CDH18: variants seen among roughly 807,000 people sequenced by gnomAD.
CDH18 encodes the protein cadherin 18, also known as cadherin-18.
Under a neutral mutation model 67.9 loss-of-function variants are expected in CDH18, and 31 were observed. The ratio of observed to expected loss-of-function variants is 0.46; its 90% CI spans 0.34 to 0.62. The LOEUF (loss-of-function observed/expected upper bound fraction) is 0.62. Among genes scored for constraint, CDH18 ranks in the 20% least tolerant of loss-of-function variants. The pLI is 0.01. For synonymous variants in CDH18, 362 were observed against 347.2 expected (o/e 1.04, Z -0.48); for missense variants, 890 against 975.5 (o/e 0.91, Z 1.17).
At chr5:20,052,453 T>A (rs1741514883) in intron 2 of CDH18, among the ~76,000 whole-genome samples, 1 of 152,064 alleles carries the variant, frequency 6.6e-6, no homozygotes, top group Non-Finnish European at 1.5e-5. Flanking sequence ...TTGTTTAGTG[T>A]TCTAAATATA....
intron 1 of CDH18, among the ~76,000 whole-genome samples, chr5:20,334,947 G>A (rs571612324): frequency 6.6e-6 from 1 of 152,126 alleles, no homozygotes; most frequent in African/African-American, 2.4e-5. Context: ...TCTCAATGAT[G>A]CAACAGCCAC....
intron 1 of CDH18, among the ~76,000 whole-genome samples, chr5:20,448,852 G>A (rs1301312790): frequency 6.6e-6 from 1 of 152,036 alleles, no homozygotes; most frequent in African/African-American, 2.4e-5. Context: ...AAAAAGTACA[G>A]GTGCAACAAG....
intron 5 of CDH18, among the ~76,000 whole-genome samples, chr5:19,646,838 A>C (rs1754820203): frequency 6.6e-6 from 1 of 152,196 alleles, no homozygotes; most frequent in East Asian, 1.9e-4. Context: ...TTAAAAAATA[A>C]AATACAACAT....
intron 1 of CDH18, among the ~76,000 whole-genome samples, chr5:20,261,595 G>T (rs1246040820): frequency 2.0e-5 from 3 of 152,068 alleles, no homozygotes; most frequent in African/African-American, 4.8e-5. Flanking sequence ...AAAAAAATTA[G>T]CCAGGCGTGG....
chr5:20,475,515 T>C (rs1752376002), intron 1 of CDH18, among the ~76,000 whole-genome samples: 1 of 152,212 alleles, frequency 6.6e-6, no homozygotes, highest in African/African-American at 2.4e-5. Flanking sequence ...TTATTTGTGC[T>C]ATTATAAATT....
intron 3 of CDH18, among the ~76,000 whole-genome samples, chr5:19,791,333 A>C (rs1157677503): frequency 6.9e-6 from 1 of 144,524 alleles, no homozygotes; most frequent in Non-Finnish European, 1.5e-5. Context: ...AAACCTAATG[A>C]TATTCTTGCA....
At position 20,172,228 on chromosome 5, in the gene CDH18, A is replaced by G. The variant is rs1451244688; in HGVS notation, c.-518+83216T>C. ...TATATATATATATATATATATGTAT[A>G]TATATATATATGTATATATATATAT... On this transcript the variant is annotated intron_variant, in intron 2 of 14. Coordinates refer to the CDH18 transcript ENST00000507958. Among the ~76,000 whole-genome samples, 28 of 110,728 alleles carry G rather than the reference A, an allele frequency of 2.5e-4. 1 individual carries two copies. The highest frequency in any genetic ancestry group is 3.4e-4 in the African/African-American group (9 of 26,142). The allele number at this position is 110,728 out of a possible 152,430, so 72.6% of individuals were successfully genotyped here.
At chr5:20,572,360 C>T (rs1758866014) in intron 1 of CDH18, among the ~76,000 whole-genome samples, 1 of 151,952 alleles carries the variant, frequency 6.6e-6, no homozygotes, top group Admixed American at 6.6e-5. Context: ...ATGTTTCTTC[C>T]CTCAGGTTTG....
intron 1 of CDH18, among the ~76,000 whole-genome samples, chr5:20,318,800 C>T (rs1442252809): frequency 1.3e-5 from 2 of 152,118 alleles, no homozygotes; most frequent in South Asian, 2.1e-4. Flanking sequence ...GGTACATATG[C>T]ACAATGTGCA....
intron 5 of CDH18, among the ~76,000 whole-genome samples, chr5:19,665,834 T>G (rs992083898): frequency 1.3e-5 from 2 of 152,052 alleles, no homozygotes; most frequent in Non-Finnish European, 2.9e-5. Flanking sequence ...AAATTTAAGT[T>G]CTTAATAACA....
chr5:20,540,862 G>A (rs143547784), intron 1 of CDH18, among the ~76,000 whole-genome samples: 1 of 152,306 alleles, frequency 6.6e-6, no homozygotes, highest in East Asian at 1.9e-4. Context: ...TTTGTCAAAT[G>A]CATACCAATG....
intron 10 of CDH18, among the ~76,000 whole-genome samples, chr5:19,514,481 A>G (rs946330812): frequency 3.3e-5 from 5 of 152,240 alleles, no homozygotes; most frequent in Middle Eastern, 6.8e-3. Flanking sequence ...AAGTGTTCCT[A>G]TTTCTCCACA....
chr5:20,420,084 T>C (rs1011530404), intron 1 of CDH18, among the ~76,000 whole-genome samples: 3 of 151,184 alleles, frequency 2.0e-5, no homozygotes, highest in Non-Finnish European at 4.4e-5. Context: ...CAGCAGATTA[T>C]GTGAGCCTGG....
intron 1 of CDH18, among the ~76,000 whole-genome samples, chr5:20,504,810 C>T (rs905907312): frequency 7.4e-6 from 1 of 134,712 alleles, no homozygotes; most frequent in African/African-American, 2.8e-5. Context: ...CTTTGTCACC[C>T]AGGCTGGAGT....
intron 2 of CDH18, among the ~76,000 whole-genome samples, chr5:20,084,239 C>T (rs1274039459): frequency 1.3e-5 from 2 of 152,202 alleles, no homozygotes; most frequent in Non-Finnish European, 2.9e-5. Context: ...CTACAGGTCC[C>T]ATGCAAGTCT....
chr5:19,497,260 T>G (rs1187661245), intron 11 of CDH18, among the ~76,000 whole-genome samples: 1 of 152,180 alleles, frequency 6.6e-6, no homozygotes, highest in African/African-American at 2.4e-5. Context: ...ATTTCACTAG[T>G]GATTTACATG....
chr5:20,193,718 T>G (rs1424622690), intron 2 of CDH18, among the ~76,000 whole-genome samples: 2 of 152,072 alleles, frequency 1.3e-5, no homozygotes, highest in Admixed American at 6.6e-5. Flanking sequence ...ACTGGCAAAC[T>G]GAATCCAGCA....
upstream of CDH18, among the ~76,000 whole-genome samples, chr5:19,989,611 T>C (rs1187172156): frequency 6.6e-6 from 1 of 152,206 alleles, no homozygotes; most frequent in Non-Finnish European, 1.5e-5. Flanking sequence ...TTCTAATTAC[T>C]CCCCTCTTTT....
chr5:20,172,206 A>ATATG (rs1437669949), intron 2 of CDH18, among the ~76,000 whole-genome samples: 1 of 63,922 alleles, frequency 1.6e-5, no homozygotes, highest in Non-Finnish European at 2.9e-5. Context: ...ATATATATAT[A>ATATG]TATATATATA....
Sources: gnomAD v4.1 joint callset for allele counts (sites outside exome capture counted in the v4.1 genomes callset) on GRCh38, gnomAD v4.1.1 for gene constraint, MANE v1.5 for transcripts, NCBI Gene and HGNC (gene_info 2026-07-23, HGNC 2026-07-21) for gene names.